Variants in PDE10A observed in about 807,000 individuals in gnomAD.
PDE10A encodes the protein cAMP and cAMP-inhibited cGMP 3',5'-cyclic phosphodiesterase 10A.
PDE10A carries 39 observed loss-of-function variants against 97.7 expected under a neutral mutation model. That is an observed-to-expected ratio of 0.40 (90% CI 0.31 to 0.52). PDE10A has a LOEUF of 0.52. Among genes scored for constraint, PDE10A ranks in the 20% least tolerant of loss-of-function variants. The probability of loss-of-function intolerance (pLI) is 0.56; values close to 1 mark genes in which losing one functional copy is unlikely to be tolerated. For missense variants in PDE10A, 731 were observed against 1,047.8 expected (o/e 0.70, Z 4.17); for synonymous variants, 371 against 376.8 (o/e 0.98, Z 0.18).
At position 165,468,147 on chromosome 6, in the gene PDE10A, C is replaced by T. The variant is rs563414329; in HGVS notation, c.1023+14168G>A. 3.7e-4 allele frequency among the ~76,000 whole-genome samples: 57 copies of T among 152,280 alleles called. 1 individual carries two copies. The highest frequency in any genetic ancestry group is 1.5e-3 in the Admixed American group (23 of 15,298). On this transcript the variant is annotated intron_variant, in intron 3 of 21. Transcript: ENST00000539869. ...AAGCTGGAGTGCAGTGGCACAGTCT[C>T]GGCTCACTGCAACCTCTGCCTCCCA... is the stretch of plus-strand genomic sequence containing the variant.
At chr6:165,352,903 G>T (rs1782788688) in intron 18 of PDE10A, among the ~76,000 whole-genome samples, 4 of 152,052 alleles carry the variant, frequency 2.6e-5, no homozygotes, top group Admixed American at 2.0e-4. Flanking sequence ...GAGTAAAAAG[G>T]CAAGCCACAG....
intron 1 of PDE10A, among the ~76,000 whole-genome samples, chr6:165,912,222 T>TAC (rs898784527): frequency 7.3e-5 from 11 of 151,610 alleles, no homozygotes; most frequent in East Asian, 1.9e-4. Flanking sequence ...ATCACCTATC[T>TAC]ACACACACAC....
At chr6:165,357,623 C>T (rs956353250) in intron 18 of PDE10A, among the ~76,000 whole-genome samples, 11 of 151,904 alleles carry the variant, frequency 7.2e-5, no homozygotes, top group East Asian at 1.9e-4. Context: ...AAAATTTATC[C>T]GGTTCATCTA....
At chr6:165,712,940 C>T (rs576711950) in intron 1 of PDE10A, among the ~76,000 whole-genome samples, 78 of 152,258 alleles carry the variant, frequency 5.1e-4, no homozygotes, top group African/African-American at 1.7e-3. Flanking sequence ...GCACCCGGCC[C>T]GTTTTAACTT....
chr6:165,936,607 A>G (rs559083657), intron 1 of PDE10A, among the ~76,000 whole-genome samples: 1 of 152,272 alleles, frequency 6.6e-6, no homozygotes, highest in Non-Finnish European at 1.5e-5. Context: ...GGTGGTGGGA[A>G]TGGGAATGAA....
chr6:165,680,178 C>G (rs2128439225), intron 1 of PDE10A, among the ~76,000 whole-genome samples: 1 of 152,104 alleles, frequency 6.6e-6, no homozygotes, highest in Admixed American at 6.5e-5. Context: ...AACTTAACAT[C>G]TAATTGGGAG....
At chr6:165,737,874 C>T (rs1792617852) in intron 1 of PDE10A, among the ~76,000 whole-genome samples, 1 of 152,130 alleles carries the variant, frequency 6.6e-6, no homozygotes, top group South Asian at 2.1e-4. Flanking sequence ...TCTCTTTCTA[C>T]AGATGACTTG....
chr6:165,639,762 A>C (rs1789042933), intron 1 of PDE10A, among the ~76,000 whole-genome samples: 1 of 139,824 alleles, frequency 7.2e-6, no homozygotes, highest in African/African-American at 2.6e-5. Context: ...AAAAAAAGAG[A>C]GAGAGACATA....
At chr6:165,703,739 C>G (rs969871560) in intron 1 of PDE10A, among the ~76,000 whole-genome samples, 2 of 152,236 alleles carry the variant, frequency 1.3e-5, no homozygotes, top group Admixed American at 6.5e-5. Context: ...AAGCACTAAG[C>G]TGTGACCTGG....
In PDE10A at chr6:165,843,523, G is replaced by T. The variant is rs1441633804; in HGVS notation, c.-615+144006C>A. Among the ~76,000 whole-genome samples, 6 of 152,202 alleles carry T rather than the reference G, an allele frequency of 3.9e-5. No individual in the cohort carries two copies. In the East Asian group the frequency reaches 1.2e-3, roughly 29 times the overall value. On this transcript the variant is annotated intron_variant, in intron 1 of 19. Transcript: ENST00000366882. The stretch of plus-strand genomic sequence containing the variant: ...GCCCCTGCCTGTCTGATGAGGGCCT[G>T]TTCCTCATAAATGAGGCCTGCTGGC...
chr6:165,542,065 A>G (rs995408505), intron 2 of PDE10A, among the ~76,000 whole-genome samples: 2 of 152,208 alleles, frequency 1.3e-5, no homozygotes, highest in Admixed American at 6.5e-5. Context: ...GAACTTTAAG[A>G]TAACACCTTT....
intron 1 of PDE10A, among the ~76,000 whole-genome samples, chr6:165,975,076 C>T (rs1784809391): frequency 6.6e-6 from 1 of 152,188 alleles, no homozygotes; most frequent in Admixed American, 6.5e-5. Flanking sequence ...AGCCCGGGTC[C>T]AGACCCTGGA....
intron 1 of PDE10A, among the ~76,000 whole-genome samples, chr6:165,837,659 G>GTTTTTT (rs386409265): frequency 2.4e-5 from 2 of 83,488 alleles, no homozygotes; most frequent in Admixed American, 1.5e-4. Flanking sequence ...ATCTCTCCTG[G>GTTTTTT]TTTTTTTTTT....
chr6:165,633,688 C>A (rs1339292291), intron 1 of PDE10A, among the ~76,000 whole-genome samples: 1 of 152,002 alleles, frequency 6.6e-6, no homozygotes, highest in East Asian at 1.9e-4. Flanking sequence ...AGTGCGGTGG[C>A]ACGATCTCAG....
intron 3 of PDE10A, among the ~76,000 whole-genome samples, chr6:165,475,602 A>G (rs1215702523): frequency 6.6e-6 from 1 of 152,218 alleles, no homozygotes; most frequent in Non-Finnish European, 1.5e-5. Flanking sequence ...AAGTCCATAA[A>G]AAATATTCTG....
chr6:165,433,188 T>G (rs1789724449), intron 6 of PDE10A, 59 bp from the exon 7 acceptor site: 1 of 1,304,454 alleles, frequency 7.7e-7, no homozygotes, highest in South Asian at 1.3e-5. Context: ...AAGTGATGAT[T>G]CTTATTTCTA....
chr6:165,893,773 A>C (rs971169939), intron 1 of PDE10A, among the ~76,000 whole-genome samples: 4 of 151,916 alleles, frequency 2.6e-5, no homozygotes, highest in Admixed American at 2.6e-4. Flanking sequence ...TGAACGGTCC[A>C]GGTATTTGAT....
intron 18 of PDE10A, among the ~76,000 whole-genome samples, chr6:165,367,967 G>GA (rs1432971584): frequency 6.6e-6 from 1 of 152,102 alleles, no homozygotes; most frequent in African/African-American, 2.4e-5. Flanking sequence ...GTATACATGT[G>GA]AAAAATATAA....
chr6:165,975,669 T>C (rs1784825548), intron 1 of PDE10A, among the ~76,000 whole-genome samples: 1 of 152,234 alleles, frequency 6.6e-6, no homozygotes, highest in South Asian at 2.1e-4. Flanking sequence ...TTCTATGAGT[T>C]AAATGAAACA....
Sources: allele counts gnomAD v4.1 joint callset (sites outside exome capture counted in the v4.1 genomes callset), GRCh38; gene constraint gnomAD v4.1.1; transcripts MANE v1.5; gene names NCBI Gene and HGNC (gene_info 2026-07-23, HGNC 2026-07-21).